Variants in FRA10AC1 observed in about 807,000 individuals in gnomAD.
The protein encoded by FRA10AC1 is protein FRA10AC1.
A neutral mutation model predicts 56.5 loss-of-function variants in FRA10AC1; 43 were observed. The observed-to-expected ratio is 0.76, with a 90% CI of 0.60 to 0.98. The LOEUF is 0.98. Ranked by LOEUF, FRA10AC1 falls within the 50% of genes least tolerant of loss-of-function variation. FRA10AC1 has a pLI of 0.00. For synonymous variants in FRA10AC1, 112 were observed against 110.5 expected, an observed-to-expected ratio of 1.01 and a Z score of -0.09; for missense variants, 346 against 351.8, an observed-to-expected ratio of 0.98 and a Z score of 0.13.
chr10:93,685,530 A>G (rs1229681600), intron 8 of FRA10AC1, 171 bp from the exon 9 acceptor site: 4 of 423,262 alleles, frequency 9.5e-6, no homozygotes, highest in Non-Finnish European at 1.7e-5. Context: ...TATCAAATCA[A>G]AGTACTGTTA....
Position 93,694,917 on chromosome 10 carries a change from G to T in FRA10AC1, c.240C>A (p.Phe80Leu). ...AMDAYQRHTK[F>L]VNDYILYYGG... ...CATAGTATAAAATATAGTCATTTACGAACTTTGTATGTCTTTGATACTGAA... is the reference window on the plus strand; with the variant it reads ...CATAGTATAAAATATAGTCATTTACTAACTTTGTATGTCTTTGATACTGAA... Residue 80 changes from phenylalanine to leucine, a missense_variant, in exon 5 of 14, where the codon TTC becomes TTA. Transcript: ENST00000359204. 1 of 1,559,894 alleles carries T rather than the reference G, an allele frequency of 6.4e-7. No homozygotes were observed. Among genetic ancestry groups the T allele is most frequent in the Non-Finnish European group, 8.8e-7 (1 of 1,131,118 alleles).
intron 7 of FRA10AC1, 23 bp from the exon 8 acceptor site, chr10:93,687,472 T>C: frequency 6.8e-7 from 1 of 1,474,234 alleles, no homozygotes; most frequent in South Asian, 1.3e-5. Flanking sequence ...AAATTACATT[T>C]ATGCCAATGT....
intron 7 of FRA10AC1, among the ~76,000 whole-genome samples, chr10:93,690,962 A>G (rs1021381131): frequency 3.3e-5 from 5 of 152,228 alleles, no homozygotes; most frequent in Admixed American, 6.5e-5. Context: ...AAATTATTAA[A>G]TCAACCCTGG....
intron 12 of FRA10AC1, among the ~76,000 whole-genome samples, chr10:93,676,445 A>G (rs1262344481): frequency 6.6e-6 from 1 of 152,180 alleles, no homozygotes; most frequent in African/African-American, 2.4e-5. Flanking sequence ...AATGCTCTCT[A>G]TACTTAAAAT....
intron 7 of FRA10AC1, among the ~76,000 whole-genome samples, chr10:93,688,838 TA>T (rs1250610722): frequency 2.0e-5 from 3 of 151,408 alleles, no homozygotes; most frequent in Non-Finnish European, 4.4e-5. Flanking sequence ...TAACAACAAA[TA>T]AAAAACCACT....
chr10:93,695,011 TA>T (rs3215997), intron 4 of FRA10AC1, 74 bp from the exon 5 acceptor site: 343,131 of 753,908 alleles, frequency 0.46, 84,218 homozygotes, highest in Non-Finnish European at 0.49. Context: ...TGATTGGTGG[TA>T]AAAAAAAGCA....
chr10:93,674,988 T>A (rs971907727), intron 12 of FRA10AC1: 3 of 152,302 alleles, frequency 2.0e-5, no homozygotes, highest in Non-Finnish European at 2.9e-5. Flanking sequence ...TATACTTGAA[T>A]GTATTTTCGA....
Position 93,681,556 on chromosome 10 carries a change from T to C in FRA10AC1, c.711A>G (p.Lys237=). The change falls in exon 11 of 14, where the codon AAA becomes AAG. Residue 237 remains lysine, a synonymous_variant. Coordinates refer to ENST00000359204, the MANE Select transcript of FRA10AC1 (RefSeq NM_145246.5). Reference sequence around the variant, plus strand: ...TATGTGATGACTCTTCACAGTCTTTTTTGGTTTTATCTTTTCTTTTTTTTG... The same window carrying C: ...TATGTGATGACTCTTCACAGTCTTTCTTGGTTTTATCTTTTCTTTTTTTTG... The part of the protein sequence containing the change: ...IKSKKRKDKT[K]KDCEESSHKK... 1 of 1,571,542 alleles carries C rather than the reference T, an allele frequency of 6.4e-7. No homozygotes were observed. Among genetic ancestry groups the C allele is most frequent in the Non-Finnish European group, 8.6e-7 (1 of 1,163,432 alleles).
intron 5 of FRA10AC1, among the ~76,000 whole-genome samples, chr10:93,693,297 T>C (rs1370898103): frequency 6.7e-6 from 1 of 148,930 alleles, no homozygotes; most frequent in East Asian, 2.0e-4. Context: ...AATGAGGTGG[T>C]ACTAAATTTT....
chr10:93,701,716 TACC>T (rs1455590525), intron 1 of FRA10AC1, among the ~76,000 whole-genome samples: 3 of 152,124 alleles, frequency 2.0e-5, no homozygotes, highest in Non-Finnish European at 2.9e-5. Context: ...CCAGCTGTCT[TACC>T]ACATCTGTTC....
At chr10:93,683,987 A>T in intron 10 of FRA10AC1, 69 bp downstream of exon 10, 1 of 1,021,642 alleles carries the variant, frequency 9.8e-7, no homozygotes, top group Non-Finnish European at 1.5e-6. Context: ...ACATTTAGAT[A>T]CTTAGTGCAG....
chr10:93,700,147 G>C (rs773045487), intron 1 of FRA10AC1, 41 bp from the exon 2 acceptor site: 1 of 1,107,402 alleles, frequency 9.0e-7, no homozygotes, highest in Non-Finnish European at 1.3e-6. Flanking sequence ...AATCTATGTT[G>C]CCAATTGTCC....
Position 93,668,039 on chromosome 10 carries a change from G to C in FRA10AC1, c.*1787C>G, listed in dbSNP as rs1301781761. 6.6e-6 allele frequency: 1 copy of C among 152,128 alleles called. No homozygotes were observed. Among genetic ancestry groups the C allele is most frequent in the Non-Finnish European group, 1.5e-5 (1 of 68,010 alleles). The allele number at this position is 152,128 out of a possible 1,614,324, so 9.4% of individuals were successfully genotyped here. A position where few individuals can be genotyped will look rare whatever the true frequency, so the allele number is the denominator to read the frequency against. ...TTCCTTTACAGCCATGCCCAGCTCA[G>C]TGCCTCACATATAATAGAAGCCTGA... On this transcript the variant is annotated 3_prime_UTR_variant, in exon 14 of 14. Coordinates refer to ENST00000359204, the MANE Select transcript of FRA10AC1 (RefSeq NM_145246.5).
chr10:93,674,106 G>C (rs1264748471), intron 12 of FRA10AC1: 1 of 152,516 alleles, frequency 6.6e-6, no homozygotes, highest in African/African-American at 2.4e-5. Flanking sequence ...AATTTGTTAA[G>C]AGGGCAGCAA....
At chr10:93,678,720 G>C (rs2058883674) in intron 11 of FRA10AC1, among the ~76,000 whole-genome samples, 1 of 152,074 alleles carries the variant, frequency 6.6e-6, no homozygotes, top group Non-Finnish European at 1.5e-5. Flanking sequence ...TGTAGTCCCA[G>C]TTACCTGGGA....
chr10:93,674,446 A>G (rs2058811521), intron 12 of FRA10AC1: 1 of 152,202 alleles, frequency 6.6e-6, no homozygotes, highest in Non-Finnish European at 1.5e-5. Context: ...ACCTGAGAGG[A>G]TATCTGGGGT....
chr10:93,671,633 T>TA (rs1397956909), intron 12 of FRA10AC1: 3 of 185,128 alleles, frequency 1.6e-5, no homozygotes, highest in African/African-American at 2.4e-5. Context: ...TACAGCTGTT[T>TA]AAAAACATTA....
intron 7 of FRA10AC1, among the ~76,000 whole-genome samples, chr10:93,689,401 G>T (rs1273767282): frequency 6.6e-6 from 1 of 151,892 alleles, no homozygotes; most frequent in Non-Finnish European, 1.5e-5. Context: ...AAATCTAGGG[G>T]AAAAAATAAA....
At chr10:93,695,455 A>T (rs2059216087) in intron 4 of FRA10AC1, among the ~76,000 whole-genome samples, 1 of 151,938 alleles carries the variant, frequency 6.6e-6, no homozygotes, top group Non-Finnish European at 1.5e-5. Flanking sequence ...CAAATATAAA[A>T]AATCAATTTT....
Sources: gnomAD v4.1 joint callset for allele counts (sites outside exome capture counted in the v4.1 genomes callset) on GRCh38, gnomAD v4.1.1 for gene constraint, MANE v1.5 for transcripts, NCBI Gene and HGNC (gene_info 2026-07-23, HGNC 2026-07-21) for gene names.